TBC1D2: variants seen among roughly 807,000 people sequenced by gnomAD.
TBC1D2 encodes TBC1 domain family member 2.
A neutral mutation model predicts 91.1 loss-of-function variants in TBC1D2; 58 were observed. The observed-to-expected ratio is 0.64, with a 90% CI of 0.52 to 0.79. TBC1D2 has a LOEUF of 0.79. Among genes scored for constraint, TBC1D2 ranks in the 30% least tolerant of loss-of-function variants. The pLI is 0.00. For synonymous variants in TBC1D2, 482 were observed against 511.5 expected (o/e 0.94, Z 0.78); for missense variants, 1,080 against 1,208.3 (o/e 0.89, Z 1.57).
intron 2 of TBC1D2, among the ~76,000 whole-genome samples, chr9:98,245,319 G>A (rs1055583181): frequency 1.3e-5 from 2 of 151,578 alleles, no homozygotes; most frequent in African/African-American, 2.4e-5. Context: ...CTGTAATCCC[G>A]CCACTTTGGG....
At chr9:98,215,097 A>G (rs536291483) in intron 6 of TBC1D2, among the ~76,000 whole-genome samples, 8 of 152,040 alleles carry the variant, frequency 5.3e-5, no homozygotes, top group Non-Finnish European at 7.4e-5. Flanking sequence ...CCTCTCAAAA[A>G]TGCTGCTGTG....
At chr9:98,230,650 C>T (rs1027527614) in intron 4 of TBC1D2, among the ~76,000 whole-genome samples, 8 of 152,040 alleles carry the variant, frequency 5.3e-5, no homozygotes, top group African/African-American at 1.4e-4. Context: ...GTACCTTGCT[C>T]GGCCGGGCGT....
At chr9:98,206,374 T>A (rs1828654772) in intron 9 of TBC1D2, among the ~76,000 whole-genome samples, 1 of 152,200 alleles carries the variant, frequency 6.6e-6, no homozygotes, top group Non-Finnish European at 1.5e-5. Context: ...AGAAAACCCG[T>A]CTGGGGACCT....
intron 3 of TBC1D2, among the ~76,000 whole-genome samples, chr9:98,242,575 T>C (rs947596613): frequency 6.6e-6 from 1 of 152,190 alleles, no homozygotes; most frequent in Non-Finnish European, 1.5e-5. Context: ...GCAGCTAATA[T>C]GCATTTCATG....
chr9:98,229,210 C>G, intron 4 of TBC1D2, 62 bp from the exon 5 acceptor site: 1 of 1,539,548 alleles, frequency 6.5e-7, no homozygotes, highest in South Asian at 1.2e-5. Flanking sequence ...CAAACCTGAG[C>G]TTGCTTTAGA....
intron 9 of TBC1D2, among the ~76,000 whole-genome samples, chr9:98,207,430 C>T (rs962683921): frequency 9.2e-5 from 14 of 152,164 alleles, no homozygotes; most frequent in African/African-American, 2.7e-4. Context: ...GGGGCTGGAG[C>T]GGGGGGATGA....
At chr9:98,229,178 G>A (rs202006131) in intron 4 of TBC1D2, 30 bp from the exon 5 acceptor site, 17 of 1,605,796 alleles carry the variant, frequency 1.1e-5, no homozygotes, top group Non-Finnish European at 1.4e-5. Context: ...CAGAAGTTAT[G>A]ACTGATGACA....
intron 9 of TBC1D2, 133 bp downstream of exon 9, chr9:98,208,535 C>T (rs1177764198): frequency 1.2e-6 from 1 of 837,652 alleles, no homozygotes; most frequent in Non-Finnish European, 1.8e-6. Context: ...GTAATGCTCT[C>T]TCGCCCACTG....
At chr9:98,255,028 G>A (rs955646243) in intron 1 of TBC1D2, 145 bp downstream of exon 1, 3 of 1,353,616 alleles carry the variant, frequency 2.2e-6, no homozygotes, top group African/African-American at 1.5e-5. Context: ...GGGTGGGAAT[G>A]CACTTTGCAA....
intron 6 of TBC1D2, among the ~76,000 whole-genome samples, chr9:98,216,344 G>C (rs3758257): frequency 0.3 from 44,713 of 151,536 alleles, 7,206 homozygotes; most frequent in African/African-American, 0.41. Context: ...CACAGAGTTC[G>C]GAATCCAATG....
In TBC1D2 at chr9:98,244,527, C is replaced by A. The variant is rs528667791; in HGVS notation, c.512-398G>T. ...ACACAAAATTAGCCAGGCGTGGTGGCGCATTCTTGCAATCCCAGCTACTCA... is the reference window on the plus strand; with the variant it reads ...ACACAAAATTAGCCAGGCGTGGTGGAGCATTCTTGCAATCCCAGCTACTCA... On this transcript the variant is annotated intron_variant, in intron 2 of 12. Transcript: ENST00000465784. 6.6e-5 allele frequency among the ~76,000 whole-genome samples: 10 copies of A among 152,090 alleles called. No individual in the cohort carries two copies. In the East Asian group the frequency reaches 1.9e-3, roughly 29 times the overall value.
At position 98,220,825 on chromosome 9, in the gene TBC1D2, G is replaced by A; in HGVS notation, c.1374+8C>T. On this transcript the variant is annotated splice_region_variant and intron_variant, in intron 6 of 12. Coordinates refer to ENST00000465784, the MANE Select transcript of TBC1D2 (RefSeq NM_001267571.2). ...CAGGACTGGCAGGCCCTGAGGGGAG[G>A]CCCCTACCTTCAGGTGCTCTATCTT... 1.2e-6 allele frequency: 2 copies of A among 1,612,744 alleles called. No homozygotes were observed.
chr9:98,203,836 A>T (rs1828577591), intron 9 of TBC1D2, among the ~76,000 whole-genome samples: 1 of 152,168 alleles, frequency 6.6e-6, no homozygotes, highest in South Asian at 2.1e-4. Context: ...TCCTCACCTT[A>T]GTATTCACAG....
Position 98,210,715 on chromosome 9 carries a change from C to T in TBC1D2, c.1614G>A (p.Glu538=). Residue 538 remains glutamate, a synonymous_variant, in exon 8 of 13, where the codon GAG becomes GAA. Transcript: ENST00000465784. ...CCTCCCCAGCTTCCCACTGCAGTGC[C>T]TCCTGGACAAGCTGCCTCAGCAGCT... is the stretch of plus-strand genomic sequence containing the variant. ...CSELLRQLVQ[E]ALQWEAGEAS... is the part of the protein sequence containing the mutation. 1 of 1,600,214 alleles carries T rather than the reference C, an allele frequency of 6.2e-7. No homozygotes were observed. The highest frequency in any genetic ancestry group is 8.5e-7 in the Non-Finnish European group (1 of 1,173,414).
intron 3 of TBC1D2, among the ~76,000 whole-genome samples, chr9:98,238,659 C>G (rs1829565641): frequency 7.3e-6 from 1 of 137,284 alleles, no homozygotes; most frequent in Non-Finnish European, 1.5e-5. Context: ...CAGTCTTTTA[C>G]CATTAAGTAT....
intron 3 of TBC1D2, among the ~76,000 whole-genome samples, 157 bp from the exon 4 acceptor site, chr9:98,233,706 A>T (rs1240676440): frequency 6.6e-6 from 1 of 152,068 alleles, no homozygotes; most frequent in Non-Finnish European, 1.5e-5. Context: ...ATGCCTCCCC[A>T]TGCATGGCAC....
chr9:98,201,593 G>C lies in TBC1D2; in HGVS notation c.2343C>G (p.His781Gln), dbSNP rs148540803. ...AGGTGACGAGGGAGAGATCCACGTG[G>C]TGCTGCCCCAGATGGGCCATCAGCC... Reference protein sequence around the residue: ...LPRLMAHLGQHHVDLSLVTFN... With the variant: ...LPRLMAHLGQQHVDLSLVTFN... The change falls in exon 11 of 13, where the codon CAC becomes CAG. Residue 781 changes from histidine to glutamine, a missense_variant. Physicochemically the swap from His to Gln is conservative, Grantham distance 24 (BLOSUM62 0). Coordinates refer to ENST00000465784, the MANE Select transcript of TBC1D2 (RefSeq NM_001267571.2). 1.2e-6 allele frequency: 2 copies of C among 1,614,146 alleles called. No homozygotes were observed. The highest frequency in any genetic ancestry group is 2.2e-5 in the South Asian group (2 of 91,088).
chr9:98,200,379 G>A lies in TBC1D2; in HGVS notation c.2458-5C>T, dbSNP rs1282549651. On this transcript the variant is annotated splice_region_variant and splice_polypyrimidine_tract_variant and intron_variant, in intron 11 of 12. Coordinates refer to ENST00000465784, the MANE Select transcript of TBC1D2 (RefSeq NM_001267571.2). The stretch of plus-strand genomic sequence containing the variant: ...CAAGGCATAGCGAAACACCACCTGG[G>A]GGTAGAGTGGGGGCTCAGGTAGGGC... 1 of 1,596,140 alleles carries A rather than the reference G, an allele frequency of 6.3e-7. No individual in the cohort carries two copies. The highest frequency in any genetic ancestry group is 8.5e-7 in the Non-Finnish European group (1 of 1,171,346).
chr9:98,200,971 G>A (rs558716176), intron 11 of TBC1D2, among the ~76,000 whole-genome samples: 3 of 151,282 alleles, frequency 2.0e-5, no homozygotes, highest in East Asian at 3.9e-4. Flanking sequence ...AGCGGAGATC[G>A]TGCCACTGCA....
Sources: allele counts gnomAD v4.1 joint callset (sites outside exome capture counted in the v4.1 genomes callset), GRCh38; gene constraint gnomAD v4.1.1; transcripts MANE v1.5; gene names NCBI Gene and HGNC (gene_info 2026-07-23, HGNC 2026-07-21).